The following PLPP4 variants were observed in gnomAD, a reference collection of about 807,000 sequenced individuals.
PLPP4 encodes the protein diacylglycerol pyrophosphate like 2.
A neutral mutation model predicts 32.2 loss-of-function variants in PLPP4; 20 were observed. The observed-to-expected ratio is 0.62, with a 90% CI of 0.44 to 0.90. The LOEUF is 0.90. Ranked by LOEUF, PLPP4 falls within the 40% of genes least tolerant of loss-of-function variation. The probability of loss-of-function intolerance (pLI) is 0.00; values close to 1 mark genes in which losing one functional copy is unlikely to be tolerated. For missense variants in PLPP4, 257 were observed against 353.1 expected, an observed-to-expected ratio of 0.73 and a Z score of 2.18; for synonymous variants, 127 against 133.0, an observed-to-expected ratio of 0.95 and a Z score of 0.31.
intron 5 of PLPP4, 132 bp downstream of exon 5, chr10:120,521,227 C>A: frequency 2.7e-6 from 3 of 1,126,476 alleles, no homozygotes; most frequent in Non-Finnish European, 3.7e-6. Context: ...CACTTTACGG[C>A]GTTTGACTTA....
chr10:120,558,152 C>T (rs186651995), intron 5 of PLPP4, among the ~76,000 whole-genome samples: 4 of 151,772 alleles, frequency 2.6e-5, no homozygotes, highest in Admixed American at 2.6e-4. Context: ...TGATCCTTCT[C>T]TCTCTTACTG....
intron 1 of PLPP4, among the ~76,000 whole-genome samples, chr10:120,495,785 A>G (rs527458259): frequency 1.3e-5 from 2 of 152,312 alleles, no homozygotes; most frequent in East Asian, 3.9e-4. Flanking sequence ...GGTGGGGCTT[A>G]AAGAAGGTGG....
rs1000279045 is a variant in PLPP4 at position 120,575,221 on chromosome 10, T to C, written c.536T>C (p.Leu179Pro). ...TESGRGKSWR[L>P]CAAILPLYCA... ...AGTGGGCGGGGAAAGAGCTGGCGGC[T>C]CTGTGCTGCCATCCTGCCCTTGTAC... The change falls in exon 6 of 7, where the codon CTC (leucine) becomes CCC (proline). Residue 179 changes from leucine (L) to proline (P), a missense_variant. Transcript: ENST00000398250. 4 of 1,613,882 alleles carry C rather than the reference T, an allele frequency of 2.5e-6. No individual in the cohort carries two copies. The highest frequency in any genetic ancestry group is 1.3e-5 in the African/African-American group (1 of 74,900).
intron 5 of PLPP4, among the ~76,000 whole-genome samples, chr10:120,571,436 C>T (rs117412342): frequency 0.014 from 2,122 of 152,156 alleles, 20 homozygotes; most frequent in Admixed American, 0.023. Context: ...GAATGCAGGT[C>T]ATTTAACTTG....
At chr10:120,470,836 C>G (rs1375269899) in intron 1 of PLPP4, among the ~76,000 whole-genome samples, 3 of 152,292 alleles carry the variant, frequency 2.0e-5, no homozygotes, top group South Asian at 4.1e-4. Context: ...GCTTCAGGCT[C>G]TAGTGCCAGG....
At chr10:120,557,610 A>G (rs913579197) in intron 5 of PLPP4, among the ~76,000 whole-genome samples, 1 of 152,172 alleles carries the variant, frequency 6.6e-6, no homozygotes, top group African/African-American at 2.4e-5. Context: ...AAAAAATGCT[A>G]TGTAAAGCCT....
At chr10:120,570,817 A>G (rs1032018738) in intron 5 of PLPP4, among the ~76,000 whole-genome samples, 3 of 152,172 alleles carry the variant, frequency 2.0e-5, no homozygotes, top group African/African-American at 7.2e-5. Context: ...GTTACCGCCT[A>G]TGTCAGCTCC....
chr10:120,534,077 G>A (rs540135586), intron 5 of PLPP4, among the ~76,000 whole-genome samples: 203 of 152,084 alleles, frequency 1.3e-3, no homozygotes, highest in African/African-American at 4.6e-3. Context: ...TTTTGTGTAC[G>A]ATTTCAAATT....
At chr10:120,551,810 A>G (rs186033900) in intron 5 of PLPP4, among the ~76,000 whole-genome samples, 341 of 152,178 alleles carry the variant, frequency 2.2e-3, no homozygotes, top group Non-Finnish European at 4.1e-3. Context: ...GGAACTTAAG[A>G]CTTATGCACC....
chr10:120,583,245 G>A (rs1849601406), intron 6 of PLPP4, among the ~76,000 whole-genome samples: 1 of 151,716 alleles, frequency 6.6e-6, no homozygotes, highest in Non-Finnish European at 1.5e-5. Context: ...CACAACAGAT[G>A]AGGGCAGCCT....
At chr10:120,457,920 G>C (rs1005581734) in intron 1 of PLPP4, among the ~76,000 whole-genome samples, 9 of 152,356 alleles carry the variant, frequency 5.9e-5, no homozygotes, top group Admixed American at 4.6e-4. Context: ...AGGGGCTGCA[G>C]GCCGGGGTGG....
intron 6 of PLPP4, among the ~76,000 whole-genome samples, chr10:120,587,974 A>T (rs1163053872): frequency 1.3e-5 from 2 of 152,186 alleles, no homozygotes; most frequent in Non-Finnish European, 2.9e-5. Context: ...GACCTCAGAC[A>T]GTCATGTGGT....
chr10:120,525,066 G>T (rs1846328802), intron 5 of PLPP4, among the ~76,000 whole-genome samples: 1 of 152,210 alleles, frequency 6.6e-6, no homozygotes, highest in African/African-American at 2.4e-5. Context: ...TGTGGACCAA[G>T]TCCAGTGGCT....
At position 120,538,673 on chromosome 10, in the gene PLPP4, C is replaced by T. The variant is rs141046970; in HGVS notation, c.445+17578C>T. Among the ~76,000 whole-genome samples the T allele has an allele frequency of 7.6e-3, 1,155 of 152,244 alleles. 15 individuals are homozygous for T. The highest frequency in any genetic ancestry group is 0.027 in the African/African-American group (1,116 of 41,530). Reference sequence around the variant, plus strand: ...TGTCTCTTCAACCTCATGTCCTTCTCCCCTCCTCCTTATACATTACATTCT... The same window carrying T: ...TGTCTCTTCAACCTCATGTCCTTCTTCCCTCCTCCTTATACATTACATTCT... On this transcript the variant is annotated intron_variant, in intron 5 of 6. Transcript: ENST00000398250.
intron 1 of PLPP4, among the ~76,000 whole-genome samples, chr10:120,465,915 G>A (rs1848284662): frequency 6.6e-6 from 1 of 152,054 alleles, no homozygotes; most frequent in South Asian, 2.1e-4. Context: ...TCGTTCTCGT[G>A]TGCTCCAATT....
At chr10:120,507,667 G>A (rs1035291522) in intron 2 of PLPP4, among the ~76,000 whole-genome samples, 4 of 152,228 alleles carry the variant, frequency 2.6e-5, no homozygotes, top group South Asian at 2.1e-4. Context: ...GTTAGGTGGA[G>A]AGGCGTGTAA....
intron 6 of PLPP4, among the ~76,000 whole-genome samples, chr10:120,582,549 A>G (rs777661589): frequency 2.2e-5 from 3 of 138,618 alleles, no homozygotes; most frequent in Non-Finnish European, 3.2e-5. Flanking sequence ...CCTAGGGACT[A>G]GGACTTCAGC....
chr10:120,538,546 GT>G (rs1158901196), intron 5 of PLPP4, among the ~76,000 whole-genome samples: 1 of 152,152 alleles, frequency 6.6e-6, no homozygotes, highest in East Asian at 1.9e-4. Context: ...ATCACGTCAG[GT>G]CACTCCTCAG....
At chr10:120,496,488 A>G (rs1385400852) in intron 1 of PLPP4, among the ~76,000 whole-genome samples, 1 of 152,178 alleles carries the variant, frequency 6.6e-6, no homozygotes, top group Non-Finnish European at 1.5e-5. Flanking sequence ...AGGCTATTTC[A>G]TGAGACCAAC....
Sources: allele counts gnomAD v4.1 joint callset (sites outside exome capture counted in the v4.1 genomes callset), GRCh38; gene constraint gnomAD v4.1.1; transcripts MANE v1.5; gene names NCBI Gene and HGNC (gene_info 2026-07-23, HGNC 2026-07-21).